POLR3B: variants seen among roughly 807,000 people sequenced by gnomAD.
POLR3B encodes the protein RNA polymerase III subunit B.
POLR3B carries 96 observed loss-of-function variants against 147.4 expected under a neutral mutation model. The observed-to-expected ratio is 0.65, with a 90% confidence interval of 0.55 to 0.77. The LOEUF is 0.77. POLR3B is among the 30% of genes least tolerant of loss of function. POLR3B has a pLI of 0.00. For missense variants in POLR3B, 1,036 were observed against 1,413.5 expected, an observed-to-expected ratio of 0.73 and a Z score of 4.28; for synonymous variants, 461 against 485.9, an observed-to-expected ratio of 0.95 and a Z score of 0.67.
chr12:106,501,878 T>G (rs1319273068), intron 26 of POLR3B, among the ~76,000 whole-genome samples: 1 of 152,216 alleles, frequency 6.6e-6, no homozygotes, highest in Non-Finnish European at 1.5e-5. Flanking sequence ...AAGCATAAAG[T>G]ACCTCCACTT....
intron 8 of POLR3B, among the ~76,000 whole-genome samples, chr12:106,378,608 T>G (rs1295834637): frequency 6.6e-6 from 1 of 152,160 alleles, no homozygotes; most frequent in East Asian, 1.9e-4. Flanking sequence ...AGTCACTGTT[T>G]AAGCTGAATT....
Position 106,378,249 on chromosome 12 carries a change from C to G in POLR3B, c.497-18C>G. ...TTGAGGAATAAATGATGAAGTTTTT[C>G]TTGTTTCCTTTGGGTAGGTGGCTAC... On this transcript the variant is annotated intron_variant, in intron 7 of 27. Transcript: ENST00000228347. 1 of 1,460,842 alleles carries G rather than the reference C, an allele frequency of 6.8e-7. No homozygotes were observed. Among genetic ancestry groups the G allele is most frequent in the Non-Finnish European group, 9.6e-7 (1 of 1,040,112 alleles). The allele number at this position is 1,460,842 out of a possible 1,614,324, so 90.5% of individuals were successfully genotyped here.
intron 17 of POLR3B, 132 bp downstream of exon 17, chr12:106,437,263 C>T: frequency 1.3e-6 from 1 of 741,102 alleles, no homozygotes; most frequent in Non-Finnish European, 2.4e-6. Flanking sequence ...CTATTTTGCT[C>T]CATGTGAACT....
chr12:106,474,993 G>A (rs1218555077), intron 23 of POLR3B, among the ~76,000 whole-genome samples: 1 of 128,410 alleles, frequency 7.8e-6, no homozygotes, highest in Non-Finnish European at 1.6e-5. Context: ...GCTTTCTCTT[G>A]TGGGCATTTA....
intron 12 of POLR3B, among the ~76,000 whole-genome samples, chr12:106,425,742 C>T (rs543027368): frequency 6.6e-6 from 1 of 152,246 alleles, no homozygotes; most frequent in African/African-American, 2.4e-5. Flanking sequence ...GTGTGGCAGT[C>T]CACATTTGGC....
chr12:106,431,513 T>C (rs1430425574), intron 14 of POLR3B, among the ~76,000 whole-genome samples: 1 of 152,216 alleles, frequency 6.6e-6, no homozygotes, highest in Non-Finnish European at 1.5e-5. Flanking sequence ...ATTTTTGTTT[T>C]AGAACTGTAC....
At chr12:106,480,423 T>C (rs548267916) in intron 23 of POLR3B, among the ~76,000 whole-genome samples, 3 of 152,236 alleles carry the variant, frequency 2.0e-5, no homozygotes, top group African/African-American at 7.2e-5. Context: ...TGCCTGAAGG[T>C]TGGAGCTGGG....
At chr12:106,470,238 G>A (rs762870800) in intron 23 of POLR3B, among the ~76,000 whole-genome samples, 1 of 151,724 alleles carries the variant, frequency 6.6e-6, no homozygotes, top group African/African-American at 2.4e-5. Flanking sequence ...CCGCTTGATC[G>A]AATTGGCTAT....
At chr12:106,438,769 G>A (rs943184324) in intron 18 of POLR3B, among the ~76,000 whole-genome samples, 1 of 152,222 alleles carries the variant, frequency 6.6e-6, no homozygotes, top group Non-Finnish European at 1.5e-5. Context: ...CTCTGTTAGA[G>A]ATGATTTTTG....
At chr12:106,498,874 C>T (rs1271342177) in intron 25 of POLR3B, among the ~76,000 whole-genome samples, 1 of 152,224 alleles carries the variant, frequency 6.6e-6, no homozygotes, top group Non-Finnish European at 1.5e-5. Context: ...GCGTGAGCCA[C>T]CACGCCCTAA....
chr12:106,430,443 G>A lies in POLR3B; in HGVS notation c.1434G>A (p.Met478Ile). The A allele has an allele frequency of 6.2e-7, 1 of 1,613,316 alleles. No individual in the cohort carries two copies. The highest frequency in any genetic ancestry group is 1.3e-5 in the African/African-American group (1 of 75,016). ...PRSLQPSQWG[M>I]LCPSDTPEGE... The stretch of plus-strand genomic sequence containing the variant: ...CCCTCCAGCCATCTCAGTGGGGAAT[G>A]CTGTGTCCTTCGGACACTCCTGAAG... Residue 478 changes from methionine (M) to isoleucine (I), a missense_variant, in exon 14 of 28, where the codon ATG becomes ATA. Coordinates refer to ENST00000228347, the MANE Select transcript of POLR3B (RefSeq NM_018082.6).
At chr12:106,463,433 G>A (rs1289503677) in intron 22 of POLR3B, 45 bp from the exon 23 acceptor site, 1 of 1,574,156 alleles carries the variant, frequency 6.4e-7, no homozygotes, top group African/African-American at 1.3e-5. Flanking sequence ...AGTTCACAAA[G>A]GGCAGTTTGA....
intron 12 of POLR3B, 50 bp downstream of exon 12, chr12:106,411,010 A>G: frequency 6.4e-7 from 1 of 1,571,916 alleles, no homozygotes; most frequent in Non-Finnish European, 8.8e-7. Flanking sequence ...ATGAAAATTA[A>G]TTTGGTTTTC....
intron 23 of POLR3B, among the ~76,000 whole-genome samples, chr12:106,483,479 G>A (rs1347783700): frequency 6.6e-6 from 1 of 152,158 alleles, no homozygotes; most frequent in African/African-American, 2.4e-5. Context: ...AGATGGATAC[G>A]AAGGATTACA....
At chr12:106,399,018 C>T (rs2037021363) in intron 10 of POLR3B, among the ~76,000 whole-genome samples, 1 of 151,988 alleles carries the variant, frequency 6.6e-6, no homozygotes, top group South Asian at 2.1e-4. Context: ...GAAGGCTTCA[C>T]ACGATCAAAC....
chr12:106,399,860 G>A (rs564118498), intron 10 of POLR3B, among the ~76,000 whole-genome samples: 3 of 152,228 alleles, frequency 2.0e-5, no homozygotes, highest in South Asian at 2.1e-4. Context: ...CCGGTAACTG[G>A]TACCAGCCAC....
chr12:106,416,966 A>G (rs983683714), intron 12 of POLR3B, among the ~76,000 whole-genome samples: 4 of 152,030 alleles, frequency 2.6e-5, no homozygotes, highest in Admixed American at 2.6e-4. Flanking sequence ...GCTCCTCCTT[A>G]TTCATCTTTT....
chr12:106,369,805 A>G lies in POLR3B; in HGVS notation c.404+122A>G. 3 of 710,626 alleles carry G rather than the reference A, an allele frequency of 4.2e-6. No individual in the cohort carries two copies. In the South Asian group the frequency reaches 4.4e-5, roughly 10 times the overall value. The allele number at this position is 710,626 out of a possible 1,614,324, so 44.0% of individuals were successfully genotyped here. Reference sequence around the variant, plus strand: ...TATTTCATAGGTCCAATGAGTCAGCATGTGTAAAGCACTTAGAATAATGTC... The same window carrying G: ...TATTTCATAGGTCCAATGAGTCAGCGTGTGTAAAGCACTTAGAATAATGTC... On this transcript the variant is annotated intron_variant, in intron 6 of 27. Transcript: ENST00000228347.
intron 1 of POLR3B, chr12:106,358,330 CA>C: frequency 1.1e-6 from 1 of 935,834 alleles, no homozygotes; most frequent in East Asian, 6.4e-5. Flanking sequence ...TTGCATGAGG[CA>C]CCACAGCCGG....
Sources: allele counts gnomAD v4.1 joint callset (sites outside exome capture counted in the v4.1 genomes callset), GRCh38; gene constraint gnomAD v4.1.1; transcripts MANE v1.5; gene names NCBI Gene and HGNC (gene_info 2026-07-23, HGNC 2026-07-21).